SHISA9: variants seen among roughly 807,000 people sequenced by gnomAD.
SHISA9 encodes the protein protein shisa-9.
A neutral mutation model predicts 38.0 loss-of-function variants in SHISA9; 13 were observed. The observed-to-expected ratio is 0.34, with a 90% CI of 0.22 to 0.54. The LOEUF is 0.54. Ranked by LOEUF, SHISA9 falls within the 20% of genes least tolerant of loss-of-function variation. The pLI, the probability that SHISA9 is intolerant of heterozygous loss-of-function variation, is 0.91. For missense variants in SHISA9, 538 were observed against 575.8 expected (o/e 0.93, Z 0.67); for synonymous variants, 275 against 242.0 (o/e 1.14, Z -1.27).
chr16:12,966,593 A>G (rs1296725666), intron 2 of SHISA9, among the ~76,000 whole-genome samples: 2 of 152,158 alleles, frequency 1.3e-5, no homozygotes, highest in South Asian at 2.1e-4. Context: ...CAAGGAAGGC[A>G]TTCGTTATCC....
intron 2 of SHISA9, among the ~76,000 whole-genome samples, chr16:13,172,979 C>T (rs2050699933): frequency 6.6e-6 from 1 of 152,002 alleles, no homozygotes; most frequent in Admixed American, 6.6e-5. Flanking sequence ...CCGTGTGCTC[C>T]CAAGTAAAGA....
chr16:13,033,626 G>A (rs940554332), intron 2 of SHISA9, among the ~76,000 whole-genome samples: 2 of 152,108 alleles, frequency 1.3e-5, no homozygotes, highest in African/African-American at 4.8e-5. Flanking sequence ...TCAGGCATGG[G>A]GGATGGTGGT....
At chr16:12,989,211 G>GT (rs71147777) in intron 2 of SHISA9, among the ~76,000 whole-genome samples, 27,989 of 152,032 alleles carry the variant, frequency 0.18, 3,356 homozygotes, top group Middle Eastern at 0.31. Context: ...CTTTTAGGCT[G>GT]TTTTTTTGTT....
chr16:13,302,666 A>T, the SHISA9 span, among the ~76,000 whole-genome samples: 1 of 152,168 alleles, frequency 6.6e-6, no homozygotes, highest in African/African-American at 2.4e-5. Flanking sequence ...GCCACGGCCC[A>T]CTTCCATCTA....
chr16:13,059,154 G>A (rs1488308732), intron 2 of SHISA9, among the ~76,000 whole-genome samples: 2 of 116,764 alleles, frequency 1.7e-5, no homozygotes, highest in Non-Finnish European at 3.3e-5. Flanking sequence ...TTGAGACAGA[G>A]TCTCACTCTG....
chr16:13,154,141 A>T (rs2050523010), intron 2 of SHISA9, among the ~76,000 whole-genome samples: 1 of 152,190 alleles, frequency 6.6e-6, no homozygotes, highest in Admixed American at 6.5e-5. Context: ...ATCTCATTTA[A>T]TATTTATAAC....
At chr16:12,974,216 C>T (rs904619422) in intron 2 of SHISA9, among the ~76,000 whole-genome samples, 1 of 151,982 alleles carries the variant, frequency 6.6e-6, no homozygotes, top group Non-Finnish European at 1.5e-5. Flanking sequence ...GGGGAGAAAG[C>T]GTATATCTGG....
chr16:13,093,746 T>G (rs1215458690), intron 2 of SHISA9, among the ~76,000 whole-genome samples: 1 of 152,152 alleles, frequency 6.6e-6, no homozygotes, highest in Non-Finnish European at 1.5e-5. Flanking sequence ...AATCTCTGCC[T>G]TTGCATCCGT....
the SHISA9 span, among the ~76,000 whole-genome samples, chr16:13,549,790 C>T: frequency 0.011 from 1,658 of 151,998 alleles, 22 homozygotes; most frequent in African/African-American, 0.035. Flanking sequence ...TTTGGGCAGC[C>T]GAGGTGGGCA....
the SHISA9 span, among the ~76,000 whole-genome samples, chr16:13,475,237 G>A: frequency 2.0e-5 from 3 of 151,878 alleles, no homozygotes; most frequent in Admixed American, 6.6e-5. Context: ...GCTTACAGGC[G>A]ATGAGAAAAA....
chr16:13,211,399 A>T lies in SHISA9; in HGVS notation c.848-1854A>T, dbSNP rs184593870. 4.0e-4 allele frequency among the ~76,000 whole-genome samples: 61 copies of T among 152,254 alleles called. 2 individuals are homozygous for T. Among genetic ancestry groups the T allele is most frequent in the African/African-American group, 1.3e-3 (56 of 41,530 alleles). Reference sequence around the variant, plus strand: ...TTGAGGTATGCTATACTGGAGGTATATTTTACATACAGTGACATACACAGT... The same window carrying T: ...TTGAGGTATGCTATACTGGAGGTATTTTTTACATACAGTGACATACACAGT... On this transcript the variant is annotated intron_variant, in intron 3 of 4. Coordinates refer to ENST00000558583, the MANE Select transcript of SHISA9 (RefSeq NM_001145204.3).
chr16:12,962,270 G>C (rs1057125603), intron 2 of SHISA9, among the ~76,000 whole-genome samples: 5 of 152,246 alleles, frequency 3.3e-5, no homozygotes, highest in African/African-American at 1.2e-4. Context: ...CACACAGACA[G>C]TGAGAGAGCC....
intron 2 of SHISA9, among the ~76,000 whole-genome samples, chr16:13,128,639 T>C (rs2050281382): frequency 6.6e-6 from 1 of 152,198 alleles, no homozygotes; most frequent in Non-Finnish European, 1.5e-5. Context: ...TTTTTATTCA[T>C]GCCCAGATTG....
At chr16:13,047,038 G>A (rs937957031) in intron 2 of SHISA9, among the ~76,000 whole-genome samples, 3 of 152,064 alleles carry the variant, frequency 2.0e-5, no homozygotes, top group African/African-American at 4.8e-5. Flanking sequence ...GGAGATGATG[G>A]TTAGTATGTG....
At chr16:13,080,245 C>T (rs538449515) in intron 2 of SHISA9, among the ~76,000 whole-genome samples, 105 of 152,200 alleles carry the variant, frequency 6.9e-4, no homozygotes, top group Admixed American at 1.2e-3. Flanking sequence ...TGGTGGTGGG[C>T]GCCTGTAATC....
the SHISA9 span, among the ~76,000 whole-genome samples, chr16:13,300,449 G>A: frequency 7.9e-5 from 12 of 152,056 alleles, no homozygotes; most frequent in East Asian, 1.6e-3. Flanking sequence ...CATTTCCCTC[G>A]ACCTACTCTG....
At chr16:13,215,297 G>A (rs2051157627) in intron 4 of SHISA9, among the ~76,000 whole-genome samples, 1 of 152,196 alleles carries the variant, frequency 6.6e-6, no homozygotes, top group Non-Finnish European at 1.5e-5. Flanking sequence ...GAAACATCCT[G>A]AGTTGTTGCA....
At chr16:13,512,362 CACAA>C in the SHISA9 span, among the ~76,000 whole-genome samples, 1 of 152,032 alleles carries the variant, frequency 6.6e-6, no homozygotes, top group Admixed American at 6.6e-5. Context: ...TAAGAGAGGA[CACAA>C]ACAAATGGAA....
At chr16:13,204,284 G>T (rs2051042357) in intron 3 of SHISA9, among the ~76,000 whole-genome samples, 1 of 151,784 alleles carries the variant, frequency 6.6e-6, no homozygotes, top group Non-Finnish European at 1.5e-5. Context: ...TGGGACCCAG[G>T]TTTCTAAGGA....
Sources: gnomAD v4.1 joint callset for allele counts (sites outside exome capture counted in the v4.1 genomes callset) on GRCh38, gnomAD v4.1.1 for gene constraint, MANE v1.5 for transcripts, NCBI Gene and HGNC (gene_info 2026-07-23, HGNC 2026-07-21) for gene names.